Variants in CTNNA2 observed in about 807,000 individuals in gnomAD.
CTNNA2 encodes the protein catenin alpha 2.
A neutral mutation model predicts 101.0 loss-of-function variants in CTNNA2; 42 were observed. The ratio of observed to expected loss-of-function variants is 0.42; its 90% CI spans 0.32 to 0.54. The LOEUF (loss-of-function observed/expected upper bound fraction) is 0.54. CTNNA2 is among the 20% of genes least tolerant of loss of function. CTNNA2 has a pLI of 0.14. For synonymous variants in CTNNA2, 450 were observed against 456.4 expected (o/e 0.99, Z 0.18); for missense variants, 871 against 1,223.1 (o/e 0.71, Z 4.29).
intron 3 of CTNNA2, among the ~76,000 whole-genome samples, chr2:79,829,927 G>C (rs1419243227): frequency 6.6e-6 from 1 of 151,762 alleles, no homozygotes; most frequent in Non-Finnish European, 1.5e-5. Context: ...TTCAAACATG[G>C]CCCAAATACA....
At chr2:80,116,590 G>C (rs1263986149) in intron 7 of CTNNA2, among the ~76,000 whole-genome samples, 2 of 152,124 alleles carry the variant, frequency 1.3e-5, no homozygotes, top group Non-Finnish European at 2.9e-5. Context: ...ACATGGTCTA[G>C]AGATTATGAG....
At position 79,387,244 on chromosome 2, in the gene CTNNA2, G is replaced by A. The variant is rs148762351; in HGVS notation, c.-135+13231G>A. ...TTACCTTTCTGCGCTCTGGGCATGG[G>A]CTTTGGCCAGTCTGCCTGTTGATTC... On this transcript the variant is annotated intron_variant, in intron 4 of 21. Transcript: ENST00000466387. Among the ~76,000 whole-genome samples the A allele has an allele frequency of 2.1e-3, 327 of 152,252 alleles. 1 individual carries two copies. The highest frequency in any genetic ancestry group is 7.4e-3 in the African/African-American group (309 of 41,546).
chr2:79,724,217 T>C (rs996848602), intron 2 of CTNNA2, among the ~76,000 whole-genome samples: 1 of 151,322 alleles, frequency 6.6e-6, no homozygotes, highest in Non-Finnish European at 1.5e-5. Context: ...TTCTTTTGGC[T>C]CTGGGTTTGG....
chr2:80,375,121 T>C (rs1163070337), intron 7 of CTNNA2, among the ~76,000 whole-genome samples: 3 of 152,174 alleles, frequency 2.0e-5, no homozygotes, highest in African/African-American at 7.2e-5. Context: ...AAAATTATGA[T>C]ACTCAGACTG....
intron 9 of CTNNA2, among the ~76,000 whole-genome samples, chr2:80,434,419 C>A (rs1042923787): frequency 6.6e-6 from 1 of 150,832 alleles, no homozygotes; most frequent in Non-Finnish European, 1.5e-5. Context: ...ATGATCATGA[C>A]TTCGAAGGAG....
chr2:79,541,435 T>C (rs62141451), intron 1 of CTNNA2, among the ~76,000 whole-genome samples: 64,085 of 112,248 alleles, frequency 0.57, 14,767 homozygotes, highest in Non-Finnish European at 0.59. Context: ...CACATATATA[T>C]ATATATATAT....
intron 1 of CTNNA2, among the ~76,000 whole-genome samples, chr2:79,619,033 C>T (rs2104271059): frequency 6.6e-6 from 1 of 152,210 alleles, no homozygotes; most frequent in African/African-American, 2.4e-5. Context: ...TGGTGAAACC[C>T]AGTCTCTCCA....
chr2:80,404,664 G>C (rs145353335), intron 8 of CTNNA2, among the ~76,000 whole-genome samples: 264 of 152,232 alleles, frequency 1.7e-3, no homozygotes, highest in Middle Eastern at 0.014. Flanking sequence ...AGAAATCGTG[G>C]GTTCGTAGGT....
intron 7 of CTNNA2, among the ~76,000 whole-genome samples, chr2:80,068,280 T>G (rs1698108684): frequency 6.6e-6 from 1 of 152,070 alleles, no homozygotes; most frequent in South Asian, 2.1e-4. Flanking sequence ...ACCAGCAGAA[T>G]GGAGTGCACT....
rs778727036 is a variant in CTNNA2 at position 79,651,646 on chromosome 2, A to G, written c.90A>G (p.Pro30=). The change falls in exon 2 of 19, where the codon CCA becomes CCG. Residue 30 remains proline, a synonymous_variant. Coordinates refer to ENST00000402739, the MANE Select transcript of CTNNA2 (RefSeq NM_001282597.3). ...TAACAGTGGAAAGGCTGTTGGAGCCACTTGTTACACAGGTAAGGGATGCTT... is the reference window on the plus strand; with the variant it reads ...TAACAGTGGAAAGGCTGTTGGAGCCGCTTGTTACACAGGTAAGGGATGCTT... ...RTLTVERLLE[P]LVTQVTTLVN... is the part of the protein sequence containing the mutation. The G allele has an allele frequency of 6.2e-7, 1 of 1,613,674 alleles. No individual in the cohort carries two copies. Among genetic ancestry groups the G allele is most frequent in the South Asian group, 1.1e-5 (1 of 91,072 alleles).
intron 7 of CTNNA2, among the ~76,000 whole-genome samples, chr2:80,349,009 T>C (rs1673042763): frequency 6.6e-6 from 1 of 152,182 alleles, no homozygotes; most frequent in Non-Finnish European, 1.5e-5. Context: ...TTGCAGCAGA[T>C]GGCACAATGT....
At chr2:79,791,126 A>T (rs1675236124) in intron 3 of CTNNA2, among the ~76,000 whole-genome samples, 1 of 152,166 alleles carries the variant, frequency 6.6e-6, no homozygotes, top group South Asian at 2.1e-4. Flanking sequence ...TTATTGGTAG[A>T]TTTCAAAAAC....
intron 2 of CTNNA2, among the ~76,000 whole-genome samples, chr2:79,263,948 C>G (rs1368434827): frequency 1.3e-5 from 2 of 152,248 alleles, no homozygotes; most frequent in East Asian, 3.9e-4. Context: ...TTTTCAAAAT[C>G]AGAACATCAA....
chr2:79,807,808 CA>C (rs1412553372), intron 3 of CTNNA2, among the ~76,000 whole-genome samples: 2 of 151,120 alleles, frequency 1.3e-5, no homozygotes, highest in African/African-American at 2.4e-5. Flanking sequence ...TTCTGAGGGG[CA>C]AAAAAAAGCT....
intron 5 of CTNNA2, 113 bp downstream of exon 5, chr2:79,870,048 A>G: frequency 7.4e-7 from 1 of 1,358,890 alleles, no homozygotes; most frequent in South Asian, 1.4e-5. Flanking sequence ...CAAATGCCCT[A>G]AGAACCTGTG....
At chr2:79,796,343 C>CGAGATT in intron 3 of CTNNA2, among the ~76,000 whole-genome samples, 3 of 142,468 alleles carry the variant, frequency 2.1e-5, no homozygotes, top group African/African-American at 8.2e-5. Context: ...AGCCGAGAGC[C>CGAGATT]GCGATTGCGC....
At chr2:79,201,341 C>T (rs552352327) in intron 2 of CTNNA2, among the ~76,000 whole-genome samples, 2 of 152,254 alleles carry the variant, frequency 1.3e-5, no homozygotes, top group South Asian at 4.1e-4. Context: ...TTCATCTTAA[C>T]TTTAGCCAAG....
At chr2:79,305,950 G>A (rs1216125054) in intron 2 of CTNNA2, among the ~76,000 whole-genome samples, 2 of 150,936 alleles carry the variant, frequency 1.3e-5, no homozygotes, top group African/African-American at 4.9e-5. Flanking sequence ...GGAGGCTCAG[G>A]CAGGAGAATG....
rs572599113 is a variant in CTNNA2 at position 79,348,364 on chromosome 2, A to C, written c.-317-25467A>C. On this transcript the variant is annotated intron_variant, in intron 3 of 21. Coordinates refer to the CTNNA2 transcript ENST00000466387. Reference sequence around the variant, plus strand: ...TGGAAGTGACAGTTGTTTTGGGGGCACAATTTCCTGATCTCAGTACCTGGT... The same window carrying C: ...TGGAAGTGACAGTTGTTTTGGGGGCCCAATTTCCTGATCTCAGTACCTGGT... Among the ~76,000 whole-genome samples the C allele has an allele frequency of 2.6e-5, 4 of 152,340 alleles. No homozygotes were observed. The South Asian group carries it at 8.3e-4, about 32-fold the overall frequency.
Sources: allele counts gnomAD v4.1 joint callset (sites outside exome capture counted in the v4.1 genomes callset), GRCh38; gene constraint gnomAD v4.1.1; transcripts MANE v1.5; gene names NCBI Gene and HGNC (gene_info 2026-07-23, HGNC 2026-07-21).